FAM78B: variants seen among roughly 807,000 people sequenced by gnomAD.
FAM78B encodes the protein protein FAM78B.
FAM78B carries 10 observed loss-of-function variants against 20.0 expected under a neutral mutation model. The ratio of observed to expected loss-of-function variants is 0.50; its 90% CI spans 0.31 to 0.85. The LOEUF is 0.85. Among genes scored for constraint, FAM78B ranks in the 40% least tolerant of loss-of-function variants. FAM78B has a pLI of 0.05. For synonymous variants in FAM78B, 135 were observed against 132.8 expected, an observed-to-expected ratio of 1.02 and a Z score of -0.12; for missense variants, 283 against 345.0, an observed-to-expected ratio of 0.82 and a Z score of 1.42.
chr1:166,063,219 ACT>A (rs909128303), intron 2 of FAM78B, among the ~76,000 whole-genome samples: 23 of 152,132 alleles, frequency 1.5e-4, no homozygotes, highest in African/African-American at 5.3e-4. Flanking sequence ...TGATGGCAGG[ACT>A]CTGTTTAGCC....
At chr1:166,084,414 A>G (rs1036893125) in intron 1 of FAM78B, among the ~76,000 whole-genome samples, 3 of 152,202 alleles carry the variant, frequency 2.0e-5, no homozygotes, top group African/African-American at 7.2e-5. Context: ...CCTCATCTAT[A>G]AAACAGAGAG....
rs139487435 is a variant in FAM78B, at chr1:166,136,465, C to T, written c.263+29521G>A. Among the ~76,000 whole-genome samples the T allele has an allele frequency of 3.3e-5, 5 of 152,222 alleles. No individual in the cohort carries two copies. The South Asian group carries it at 6.2e-4, about 19-fold the overall frequency. ...GTAACAGAGCAGCCATCTCCAGATG[C>T]CTTATCTCTCTGCCCTCACAGCTGC... is the stretch of plus-strand genomic sequence containing the variant. On this transcript the variant is annotated intron_variant, in intron 1 of 1. Coordinates refer to ENST00000354422, the MANE Select transcript of FAM78B (RefSeq NM_001017961.5).
intron 1 of FAM78B, among the ~76,000 whole-genome samples, chr1:166,113,738 C>A (rs1282900038): frequency 6.6e-6 from 1 of 152,178 alleles, no homozygotes; most frequent in African/African-American, 2.4e-5. Context: ...CAGCCCTGGG[C>A]AGCAATGAAA....
At chr1:166,138,261 T>C (rs1004229004) in intron 1 of FAM78B, among the ~76,000 whole-genome samples, 7 of 152,054 alleles carry the variant, frequency 4.6e-5, no homozygotes, top group Non-Finnish European at 8.8e-5. Flanking sequence ...TCCCCAACTC[T>C]CCTGTTCTCT....
chr1:166,114,204 A>G (rs908170533), intron 1 of FAM78B, among the ~76,000 whole-genome samples: 1 of 152,230 alleles, frequency 6.6e-6, no homozygotes. Flanking sequence ...GTGCTAACAC[A>G]TGCATGATCC....
At chr1:166,102,026 C>T (rs1041725053) in intron 1 of FAM78B, among the ~76,000 whole-genome samples, 1 of 152,204 alleles carries the variant, frequency 6.6e-6, no homozygotes, top group Non-Finnish European at 1.5e-5. Context: ...AGAAACTCTA[C>T]AAGCCAGAAG....
At chr1:166,162,869 G>T (rs1351131970) in intron 1 of FAM78B, among the ~76,000 whole-genome samples, 2 of 151,880 alleles carry the variant, frequency 1.3e-5, no homozygotes, top group African/African-American at 4.8e-5. Context: ...ATTTTTGCTG[G>T]TCTTCCCCTT....
chr1:166,150,960 G>C (rs746400051), intron 1 of FAM78B, among the ~76,000 whole-genome samples: 6 of 152,096 alleles, frequency 3.9e-5, no homozygotes, highest in Non-Finnish European at 8.8e-5. Flanking sequence ...ATATATAATA[G>C]AGGTAAATCA....
At chr1:166,164,421 T>G (rs1419461080) in intron 1 of FAM78B, among the ~76,000 whole-genome samples, 1 of 152,266 alleles carries the variant, frequency 6.6e-6, no homozygotes, top group Non-Finnish European at 1.5e-5. Context: ...ATCATTCTTT[T>G]GAGGGTATGT....
At position 166,109,832 on chromosome 1, in the gene FAM78B, G is replaced by GTATGTGTATA. The variant is rs1553219367; in HGVS notation, c.264-39070_264-39069insTATACACATA. Among the ~76,000 whole-genome samples, 89 of 28,284 alleles carry GTATGTGTATA rather than the reference G, an allele frequency of 3.1e-3. 12 individuals are homozygous for GTATGTGTATA. Among genetic ancestry groups the GTATGTGTATA allele is most frequent in the Non-Finnish European group, 5.5e-3 (73 of 13,286 alleles). 18.6% of individuals were successfully genotyped at this position (28,284 alleles called of 152,430 possible). A position where few individuals can be genotyped will look rare whatever the true frequency, so the allele number is the denominator to read the frequency against. ...TATATATGTATATATATATATATAT[G>GTATGTGTATA]TATATATGTATATATATATATATAT... On this transcript the variant is annotated intron_variant, in intron 1 of 1. Transcript: ENST00000354422.
intron 1 of FAM78B, among the ~76,000 whole-genome samples, chr1:166,085,946 G>A (rs1002466488): frequency 1.3e-5 from 2 of 152,158 alleles, no homozygotes; most frequent in African/African-American, 4.8e-5. Flanking sequence ...CTAGAGGCAG[G>A]AATCTCAAAT....
chr1:166,110,155 T>C (rs1571171650), intron 1 of FAM78B, among the ~76,000 whole-genome samples: 1 of 151,338 alleles, frequency 6.6e-6, no homozygotes, highest in Non-Finnish European at 1.5e-5. Context: ...ACTATAAATA[T>C]GGTGCAGTGA....
chr1:166,068,494 C>T (rs1215556719), downstream of FAM78B, among the ~76,000 whole-genome samples: 2 of 152,188 alleles, frequency 1.3e-5, no homozygotes, highest in African/African-American at 4.8e-5. Context: ...TAATTTGGAG[C>T]AGATCTCTTA....
intron 1 of FAM78B, among the ~76,000 whole-genome samples, chr1:166,072,759 C>G (rs1262295002): frequency 6.6e-6 from 1 of 152,206 alleles, no homozygotes; most frequent in Non-Finnish European, 1.5e-5. Context: ...GCAGGTATTC[C>G]GAGCAGTGGC....
At chr1:166,078,068 C>T (rs138271551) in intron 1 of FAM78B, among the ~76,000 whole-genome samples, 95 of 147,980 alleles carry the variant, frequency 6.4e-4, no homozygotes, top group African/African-American at 2.0e-3. Context: ...AGTCTCGCTC[C>T]GTTTCCAGGC....
intron 1 of FAM78B, among the ~76,000 whole-genome samples, chr1:166,160,233 G>A (rs932340889): frequency 6.6e-6 from 1 of 152,218 alleles, no homozygotes; most frequent in African/African-American, 2.4e-5. Context: ...GCATGTAGCA[G>A]CATGTAACTG....
intron 1 of FAM78B, among the ~76,000 whole-genome samples, chr1:166,120,821 C>T (rs1312236312): frequency 3.9e-5 from 6 of 152,308 alleles, no homozygotes; most frequent in South Asian, 2.1e-4. Flanking sequence ...TGGATAAATG[C>T]GCTAGGCAGG....
chr1:166,121,976 AT>A (rs1186045494), intron 1 of FAM78B, among the ~76,000 whole-genome samples: 1 of 152,182 alleles, frequency 6.6e-6, no homozygotes, highest in Non-Finnish European at 1.5e-5. Flanking sequence ...CGGAGCACCC[AT>A]TGTGTACTCA....
chr1:166,086,191 G>A (rs923216849), intron 1 of FAM78B, among the ~76,000 whole-genome samples: 1 of 151,574 alleles, frequency 6.6e-6, no homozygotes, highest in Non-Finnish European at 1.5e-5. Context: ...CTGGCTCTCC[G>A]GTACCTTTGA....
Sources: allele counts gnomAD v4.1 joint callset (sites outside exome capture counted in the v4.1 genomes callset), GRCh38; gene constraint gnomAD v4.1.1; transcripts MANE v1.5; gene names NCBI Gene and HGNC (gene_info 2026-07-23, HGNC 2026-07-21).